Variants in FBLN1 observed in about 807,000 individuals in gnomAD.
FBLN1 encodes fibulin 1, also known as fibulin-1.
Under a neutral mutation model 89.7 loss-of-function variants are expected in FBLN1, and 34 were observed. That is an observed-to-expected ratio of 0.38 (90% CI 0.29 to 0.50). The LOEUF is 0.50. FBLN1 is among the 20% of genes least tolerant of loss of function. FBLN1 has a pLI of 0.92. For synonymous variants in FBLN1, 393 were observed against 391.3 expected, an observed-to-expected ratio of 1.00 and a Z score of -0.05; for missense variants, 777 against 988.1, an observed-to-expected ratio of 0.79 and a Z score of 2.86.
At chr22:45,569,836 C>T (rs537375324) in intron 14 of FBLN1, among the ~76,000 whole-genome samples, 5 of 152,120 alleles carry the variant, frequency 3.3e-5, no homozygotes, top group Non-Finnish European at 7.4e-5. Context: ...ATGAGACAAT[C>T]CATTTCTCTT....
chr22:45,521,644 C>T (rs553789216), intron 2 of FBLN1, among the ~76,000 whole-genome samples: 10 of 152,308 alleles, frequency 6.6e-5, no homozygotes, highest in East Asian at 1.9e-4. Context: ...CACAGTGAGA[C>T]GGAGCCCACA....
intron 14 of FBLN1, among the ~76,000 whole-genome samples, chr22:45,560,356 A>G (rs1290442368): frequency 6.6e-6 from 1 of 152,218 alleles, no homozygotes; most frequent in East Asian, 1.9e-4. Flanking sequence ...TCTGTTTCGA[A>G]AGACATTGGT....
chr22:45,555,706 A>G (rs2088779769), intron 14 of FBLN1, among the ~76,000 whole-genome samples: 1 of 152,164 alleles, frequency 6.6e-6, no homozygotes, highest in South Asian at 2.1e-4. Flanking sequence ...AGTATTAACC[A>G]TCACAAGTCC....
chr22:45,541,694 C>T (rs908086635), intron 9 of FBLN1, among the ~76,000 whole-genome samples: 1 of 152,266 alleles, frequency 6.6e-6, no homozygotes, highest in African/African-American at 2.4e-5. Flanking sequence ...GCTGGCCCAA[C>T]TCCACAAACC....
chr22:45,504,645 C>T lies in FBLN1; in HGVS notation c.79+1581C>T, dbSNP rs187573508. ...GAGAGAAGGCGTGGTAAAACTCTCC[C>T]TGGCCCCGGAGTCTCTGCGTTCCCT... On this transcript the variant is annotated intron_variant, in intron 1 of 16. Transcript: ENST00000327858. Among the ~76,000 whole-genome samples, 685 of 152,256 alleles carry T rather than the reference C, an allele frequency of 4.5e-3. 2 individuals carry two copies. The highest frequency in any genetic ancestry group is 0.016 in the African/African-American group (660 of 41,544).
chr22:45,517,601 G>A (rs1161709513), intron 1 of FBLN1: 1 of 471,234 alleles, frequency 2.1e-6, no homozygotes, highest in Non-Finnish European at 4.4e-6. Flanking sequence ...AGATGGCCAG[G>A]CTGCGGTTAC....
At chr22:45,513,646 C>CCG (rs749887101) in intron 1 of FBLN1, among the ~76,000 whole-genome samples, 11,773 of 152,246 alleles carry the variant, frequency 0.077, 522 homozygotes, top group African/African-American at 0.099. Flanking sequence ...CGTCCTCTCC[C>CCG]CCGAAGCCTG....
At chr22:45,514,895 G>C (rs1351536521) in intron 1 of FBLN1, among the ~76,000 whole-genome samples, 2 of 152,186 alleles carry the variant, frequency 1.3e-5, no homozygotes, top group African/African-American at 2.4e-5. Context: ...CCGTGGGTGA[G>C]AGCAGTGGGC....
chr22:45,548,677 T>C lies in FBLN1; in HGVS notation c.1506T>C (p.Pro502=), dbSNP rs1602198989. 1 of 1,613,876 alleles carries C rather than the reference T, an allele frequency of 6.2e-7. No individual in the cohort carries two copies. The highest frequency in any genetic ancestry group is 8.5e-7 in the Non-Finnish European group (1 of 1,180,012). Residue 502 remains proline (P), a synonymous_variant, in exon 13 of 17, where the codon CCT becomes CCC. Coordinates refer to ENST00000327858, the MANE Select transcript of FBLN1 (RefSeq NM_006486.3). The part of the protein sequence containing the change: ...HICSYRCINI[P]GSFQCSCPSS... ...GCTCCTACCGCTGCATCAACATCCC[T>C]GGAAGCTTCCAGTGCAGCTGCCCCT...
In FBLN1 at chr22:45,556,247, C is replaced by T. The variant is rs1160002550; in HGVS notation, c.1697+5632C>T. Among the ~76,000 whole-genome samples the T allele has an allele frequency of 3.9e-5, 6 of 152,140 alleles. No homozygotes were observed. The highest frequency in any genetic ancestry group is 6.5e-5 in the Admixed American group (1 of 15,272). On this transcript the variant is annotated intron_variant, in intron 14 of 16. Transcript: ENST00000327858. The surrounding 1 kb of genome is among the most constrained non-coding windows in gnomAD (Gnocchi z 4.6). ...CTGACCTCAAGTGATCCTCCCGCCT[C>T]GGCCTCCCAAAATGCTGGGATTACA...
chr22:45,528,037 A>G (rs2146962735), intron 4 of FBLN1, 28 bp downstream of exon 4: 2 of 1,611,644 alleles, frequency 1.2e-6, no homozygotes, highest in Non-Finnish European at 1.7e-6. Context: ...TTCCCTAATG[A>G]GCAGTGTATT....
Position 45,597,247 on chromosome 22 carries a change from C to T in FBLN1, c.1973-3060C>T, listed in dbSNP as rs117885941. The stretch of plus-strand genomic sequence containing the variant: ...CGAACTCATGGGCTTGTGATCTGCC[C>T]GCCTAAGCCTCCCAAAGTGCTGGGA... On this transcript the variant is annotated intron_variant, in intron 16 of 16. Coordinates refer to ENST00000327858, the MANE Select transcript of FBLN1 (RefSeq NM_006486.3). The surrounding 1 kb of genome is among the most constrained non-coding windows in gnomAD (Gnocchi z 4.2). Among the ~76,000 whole-genome samples, 2,596 of 152,250 alleles carry T rather than the reference C, an allele frequency of 0.017. 33 individuals carry two copies. The highest frequency in any genetic ancestry group is 0.024 in the Non-Finnish European group (1,661 of 68,026).
chr22:45,576,897 G>C lies in FBLN1; in HGVS notation c.1841-80G>C. The C allele has an allele frequency of 1.9e-6, 3 of 1,557,014 alleles. No homozygotes were observed. Among genetic ancestry groups the C allele is most frequent in the Non-Finnish European group, 2.6e-6 (3 of 1,137,246 alleles). ...CTGGGTTAGGTCTTCATTCCCCAAG[G>C]GTGAGTTCCTGGGGACGAGGCTGGG... On this transcript the variant is annotated intron_variant, in intron 15 of 16. Transcript: ENST00000327858. This position sits in a 1 kb window ranked among gnomAD's most constrained non-coding sequence, Gnocchi z 5.2.
intron 14 of FBLN1, among the ~76,000 whole-genome samples, chr22:45,567,267 AAGGAGGAGGC>A (rs1472276822): frequency 6.6e-6 from 1 of 152,242 alleles, no homozygotes; most frequent in African/African-American, 2.4e-5. Context: ...TTATTAGCTA[AAGGAGGAGGC>A]AGTGTGGTAA....
intron 1 of FBLN1, chr22:45,517,403 A>G (rs1453526650): frequency 2.7e-6 from 1 of 364,970 alleles, no homozygotes; most frequent in East Asian, 7.9e-5. Context: ...TTGGGGCACA[A>G]TGGGGTCTTC....
At position 45,530,238 on chromosome 22, in the gene FBLN1, G is replaced by T. The variant is rs1383713236; in HGVS notation, c.485-1027G>T. Among the ~76,000 whole-genome samples the T allele has an allele frequency of 6.6e-6, 1 of 151,810 alleles. No homozygotes were observed. The highest frequency in any genetic ancestry group is 2.4e-5 in the African/African-American group (1 of 41,320). On this transcript the variant is annotated intron_variant, in intron 4 of 16. Coordinates refer to ENST00000327858, the MANE Select transcript of FBLN1 (RefSeq NM_006486.3). The surrounding 1 kb of genome is among the most constrained non-coding windows in gnomAD (Gnocchi z 5.4). ...CTTTAAACAAACCCAAACCATTCCT[G>T]CTGGTGGAGGATTTCTCCTGCATCT... is the stretch of plus-strand genomic sequence containing the variant.
At chr22:45,559,169 C>T (rs9626388) in intron 14 of FBLN1, among the ~76,000 whole-genome samples, 1,596 of 152,338 alleles carry the variant, frequency 0.01, 38 homozygotes, top group African/African-American at 0.037. Flanking sequence ...TTTGTCAAGT[C>T]AGTGGCTACA....
At chr22:45,503,900 T>G (rs1043031513) in intron 1 of FBLN1, among the ~76,000 whole-genome samples, 2 of 152,040 alleles carry the variant, frequency 1.3e-5, no homozygotes, top group East Asian at 3.9e-4. Context: ...CCTCTAACCC[T>G]CAAGGCCTGG....
chr22:45,524,042 C>A (rs548699845), intron 2 of FBLN1, among the ~76,000 whole-genome samples: 1 of 152,226 alleles, frequency 6.6e-6, no homozygotes, highest in Admixed American at 6.5e-5. Flanking sequence ...GCAAATCCAC[C>A]GAAAGCATGA....
Sources: gnomAD v4.1 joint callset for allele counts (sites outside exome capture counted in the v4.1 genomes callset) on GRCh38, gnomAD v4.1.1 for gene constraint, Gnocchi (gnomAD v3.1) non-coding constraint, MANE v1.5 for transcripts, NCBI Gene and HGNC (gene_info 2026-07-23, HGNC 2026-07-21) for gene names.